The following RPS6KC1 variants were observed in gnomAD, a reference collection of about 807,000 sequenced individuals.
The protein encoded by RPS6KC1 is inactive ribosomal protein S6 kinase delta-1.
In RPS6KC1, 54 loss-of-function variants were observed where a neutral mutation model predicts 103.8. The ratio of observed to expected loss-of-function variants is 0.52; its 90% CI spans 0.42 to 0.65. The LOEUF (loss-of-function observed/expected upper bound fraction) is 0.65. RPS6KC1 is among the 30% of genes least tolerant of loss of function. The probability of loss-of-function intolerance (pLI) is 0.00; values close to 1 mark genes in which losing one functional copy is unlikely to be tolerated. For missense variants in RPS6KC1, 1,151 were observed against 1,253.8 expected (o/e 0.92, Z 1.24); for synonymous variants, 439 against 438.7 (o/e 1.00, Z -0.01).
chr1:213,416,018 C>T, the RPS6KC1 span, among the ~76,000 whole-genome samples: 1 of 152,170 alleles, frequency 6.6e-6, no homozygotes, highest in Non-Finnish European at 1.5e-5. Flanking sequence ...AAATCTTGTA[C>T]CAAGAGCTGA....
the RPS6KC1 span, among the ~76,000 whole-genome samples, chr1:213,734,448 A>T: frequency 1.7e-5 from 1 of 58,394 alleles, no homozygotes; most frequent in Non-Finnish European, 3.3e-5. Context: ...CCCGCCAAAA[A>T]ATTAGGGATT....
the RPS6KC1 span, among the ~76,000 whole-genome samples, chr1:213,392,222 C>T: frequency 6.6e-6 from 1 of 152,124 alleles, no homozygotes; most frequent in Admixed American, 6.5e-5. Flanking sequence ...CGATGGTCTG[C>T]TTCTGGTGCT....
the RPS6KC1 span, among the ~76,000 whole-genome samples, chr1:213,854,544 CTTTCTTTCTTTCTTTCTT>C: frequency 4.6e-4 from 49 of 106,614 alleles, no homozygotes; most frequent in African/African-American, 2.0e-3. Flanking sequence ...TTCTTTCTTT[CTTTCTTTCTTTCTTTCTT>C]TCTCTCTCTC....
At chr1:213,327,028 T>C in the RPS6KC1 span, among the ~76,000 whole-genome samples, 1 of 151,860 alleles carries the variant, frequency 6.6e-6, no homozygotes, top group African/African-American at 2.4e-5. Flanking sequence ...GTTCTTCCTC[T>C]TTTTTCTTTT....
chr1:213,616,247 T>G, the RPS6KC1 span, among the ~76,000 whole-genome samples: 1 of 152,246 alleles, frequency 6.6e-6, no homozygotes, highest in South Asian at 2.1e-4. Context: ...TGGGACAGAA[T>G]GTAAATGCTG....
At chr1:213,490,139 T>G in the RPS6KC1 span, among the ~76,000 whole-genome samples, 7 of 152,110 alleles carry the variant, frequency 4.6e-5, no homozygotes, top group African/African-American at 1.7e-4. Context: ...GCAGTGAGGA[T>G]GGAGAAGGGC....
chr1:213,248,200 T>C (rs2094485937), intron 12 of RPS6KC1, among the ~76,000 whole-genome samples: 1 of 152,070 alleles, frequency 6.6e-6, no homozygotes, highest in Non-Finnish European at 1.5e-5. Context: ...GAGATACTAC[T>C]TTTTTTCCTA....
intron 10 of RPS6KC1, among the ~76,000 whole-genome samples, chr1:213,235,074 C>T (rs2094192699): frequency 6.6e-6 from 1 of 152,172 alleles, no homozygotes; most frequent in Admixed American, 6.5e-5. Flanking sequence ...AGAAAAGTAA[C>T]TTTTCATATG....
the RPS6KC1 span, among the ~76,000 whole-genome samples, chr1:213,563,223 C>T: frequency 6.6e-6 from 1 of 152,084 alleles, no homozygotes; most frequent in African/African-American, 2.4e-5. Context: ...TAAAAAGCCC[C>T]TCTTTAATAA....
At chr1:213,086,591 T>C (rs1173845667) in intron 3 of RPS6KC1, among the ~76,000 whole-genome samples, 1 of 152,196 alleles carries the variant, frequency 6.6e-6, no homozygotes. Context: ...TCTGGGTAAA[T>C]AGTTAATAAT....
intron 6 of RPS6KC1, among the ~76,000 whole-genome samples, chr1:213,137,777 C>CTCTCTCTATATA (rs1387641875): frequency 1.4e-4 from 9 of 63,590 alleles, no homozygotes; most frequent in African/African-American, 6.4e-4. Flanking sequence ...CTCTCTCTCT[C>CTCTCTCTATATA]TATATATATA....
chr1:213,784,818 T>C, the RPS6KC1 span, among the ~76,000 whole-genome samples: 1 of 152,142 alleles, frequency 6.6e-6, no homozygotes. Flanking sequence ...CCCATCTGCT[T>C]CCCCCCATTA....
chr1:213,413,472 A>G, the RPS6KC1 span, among the ~76,000 whole-genome samples: 1 of 152,162 alleles, frequency 6.6e-6, no homozygotes, highest in African/African-American at 2.4e-5. Flanking sequence ...GGTTGTACTC[A>G]TGGTTGCCTG....
the RPS6KC1 span, chr1:213,822,124 T>G: frequency 6.6e-6 from 1 of 152,362 alleles, no homozygotes; most frequent in East Asian, 1.9e-4. Flanking sequence ...ACCAAAGTCC[T>G]GTGAGCCCCT....
the RPS6KC1 span, among the ~76,000 whole-genome samples, chr1:213,311,401 A>G: frequency 1.3e-5 from 2 of 151,970 alleles, no homozygotes; most frequent in African/African-American, 4.8e-5. Context: ...GCCTCCCAAA[A>G]TGCTTGGATT....
chr1:213,788,849 G>A, the RPS6KC1 span, among the ~76,000 whole-genome samples: 15 of 152,038 alleles, frequency 9.9e-5, no homozygotes, highest in Non-Finnish European at 1.8e-4. Flanking sequence ...TAATCTCTAA[G>A]CTTTCTACTC....
chr1:213,086,219 A>G (rs1572430907), intron 3 of RPS6KC1, among the ~76,000 whole-genome samples: 1 of 152,048 alleles, frequency 6.6e-6, no homozygotes, highest in African/African-American at 2.4e-5. Context: ...TTCCGTTCCT[A>G]TTTGCTCTGT....
chr1:213,765,712 C>T, the RPS6KC1 span, among the ~76,000 whole-genome samples: 1 of 152,156 alleles, frequency 6.6e-6, no homozygotes, highest in Admixed American at 6.5e-5. Context: ...AGCCCCTCTC[C>T]CTACTACTCC....
the RPS6KC1 span, among the ~76,000 whole-genome samples, chr1:213,549,612 C>CTTTTTTTTTTTTTTTTTTTTTTTTTT: frequency 2.3e-5 from 2 of 86,912 alleles, no homozygotes; most frequent in Non-Finnish European, 4.3e-5. Flanking sequence ...TTTTCTTTTC[C>CTTTTTTTTTTTTTTTTTTTTTTTTTT]TTTTTTTTTT....
Sources: allele counts gnomAD v4.1 joint callset (sites outside exome capture counted in the v4.1 genomes callset), GRCh38; gene constraint gnomAD v4.1.1; transcripts MANE v1.5; gene names NCBI Gene and HGNC (gene_info 2026-07-23, HGNC 2026-07-21).